The following NRG1 variants were observed in gnomAD, a reference collection of about 807,000 sequenced individuals.
The protein encoded by NRG1 is pro-neuregulin-1, membrane-bound isoform.
Under a neutral mutation model 63.8 loss-of-function variants are expected in NRG1, and 18 were observed. The ratio of observed to expected loss-of-function variants is 0.28; its 90% confidence interval spans 0.19 to 0.42. The LOEUF (loss-of-function observed/expected upper bound fraction) is 0.42, where lower values mean the gene tolerates loss of function less well. Ranked by LOEUF, NRG1 falls within the 10% of genes least tolerant of loss-of-function variation. NRG1 has a pLI of 1.00. For missense variants in NRG1, 762 were observed against 814.7 expected, an observed-to-expected ratio of 0.94 and a Z score of 0.79; for synonymous variants, 302 against 301.3, an observed-to-expected ratio of 1.00 and a Z score of -0.02.
At chr8:31,693,125 C>T (rs1375362154) in intron 1 of NRG1, among the ~76,000 whole-genome samples, 1 of 152,196 alleles carries the variant, frequency 6.6e-6, no homozygotes, top group Non-Finnish European at 1.5e-5. Flanking sequence ...ACCTCCCTCT[C>T]TGTGCTATCT....
At chr8:32,506,706 T>C (rs1448449254) in intron 1 of NRG1, among the ~76,000 whole-genome samples, 1 of 151,814 alleles carries the variant, frequency 6.6e-6, no homozygotes, top group Non-Finnish European at 1.5e-5. Flanking sequence ...TGCAGAAATC[T>C]TGGGGGGTAT....
At chr8:32,094,943 C>T (rs1310561191) in intron 1 of NRG1, among the ~76,000 whole-genome samples, 3 of 144,304 alleles carry the variant, frequency 2.1e-5, no homozygotes, top group Non-Finnish European at 3.0e-5. Context: ...GATGGGGTCT[C>T]GCTCTGTCGC....
At chr8:32,641,929 T>A (rs1389880494) in intron 5 of NRG1, among the ~76,000 whole-genome samples, 2 of 152,168 alleles carry the variant, frequency 1.3e-5, no homozygotes, top group African/African-American at 4.8e-5. Flanking sequence ...TTTGGTTTGC[T>A]CTCAGAGAAC....
chr8:32,619,569 A>C (rs1038291313), intron 5 of NRG1, among the ~76,000 whole-genome samples: 1 of 152,182 alleles, frequency 6.6e-6, no homozygotes, highest in Admixed American at 6.5e-5. Context: ...CCAGGCTGGT[A>C]GCAGTAGAGG....
At chr8:32,681,677 A>C (rs2976517) in intron 5 of NRG1, among the ~76,000 whole-genome samples, 84,799 of 151,976 alleles carry the variant, frequency 0.56, 23,961 homozygotes, top group Middle Eastern at 0.63. Flanking sequence ...ACAAAGTTTC[A>C]TAATAATTAA....
chr8:32,315,663 T>C (rs1348964999), intron 1 of NRG1, among the ~76,000 whole-genome samples: 1 of 152,214 alleles, frequency 6.6e-6, no homozygotes, highest in Non-Finnish European at 1.5e-5. Context: ...TTGAATCTGA[T>C]ACCTAACATG....
At chr8:32,118,284 A>G (rs908662334) in intron 1 of NRG1, among the ~76,000 whole-genome samples, 1 of 151,932 alleles carries the variant, frequency 6.6e-6, no homozygotes, top group Non-Finnish European at 1.5e-5. Flanking sequence ...TTGTTGCTCT[A>G]TTAGTTTCTG....
At chr8:31,839,628 G>GTGTTT (rs1826005521) in intron 1 of NRG1, among the ~76,000 whole-genome samples, 1 of 152,136 alleles carries the variant, frequency 6.6e-6, no homozygotes, top group Non-Finnish European at 1.5e-5. Context: ...ATGTTGCAAA[G>GTGTTT]TAGCCCACTG....
intron 1 of NRG1, among the ~76,000 whole-genome samples, chr8:31,730,128 G>T (rs1813874627): frequency 6.6e-6 from 1 of 152,134 alleles, no homozygotes; most frequent in Non-Finnish European, 1.5e-5. Context: ...CATTCTTGTG[G>T]TTTGATTAAT....
At chr8:31,812,934 G>A (rs1254563636) in intron 1 of NRG1, among the ~76,000 whole-genome samples, 1 of 152,120 alleles carries the variant, frequency 6.6e-6, no homozygotes. Flanking sequence ...TTTCAAGTTG[G>A]ATAGGACCAC....
At chr8:32,356,272 G>T (rs1587016317) in intron 1 of NRG1, among the ~76,000 whole-genome samples, 1 of 152,098 alleles carries the variant, frequency 6.6e-6, no homozygotes, top group South Asian at 2.1e-4. Context: ...TCCAATTCTT[G>T]GTTCAAAATA....
intron 1 of NRG1, among the ~76,000 whole-genome samples, chr8:32,116,545 G>A (rs1832735551): frequency 6.6e-6 from 1 of 152,118 alleles, no homozygotes; most frequent in Admixed American, 6.6e-5. Context: ...ACTCTATTAG[G>A]CAAGAGTAAG....
chr8:32,490,913 C>T (rs544577675), intron 1 of NRG1, among the ~76,000 whole-genome samples: 9 of 152,256 alleles, frequency 5.9e-5, no homozygotes, highest in South Asian at 2.1e-4. Context: ...GTTGTGACTT[C>T]GCCCCATCTC....
At chr8:32,212,679 C>A (rs527929496) in intron 1 of NRG1, among the ~76,000 whole-genome samples, 23 of 152,142 alleles carry the variant, frequency 1.5e-4, no homozygotes, top group African/African-American at 5.3e-4. Context: ...TCAAGAAGAA[C>A]ACAGTTTTTT....
chr8:32,575,302 G>C (rs1839408074), intron 1 of NRG1, among the ~76,000 whole-genome samples: 1 of 152,148 alleles, frequency 6.6e-6, no homozygotes, highest in Non-Finnish European at 1.5e-5. Flanking sequence ...CAATTGCCTT[G>C]TGGTTGGCCT....
intron 1 of NRG1, among the ~76,000 whole-genome samples, chr8:32,106,478 T>A (rs1420644242): frequency 6.6e-6 from 1 of 152,200 alleles, no homozygotes; most frequent in East Asian, 1.9e-4. Flanking sequence ...AATCTGATAG[T>A]CTGGCATTTC....
chr8:32,418,060 T>C (rs910383501), intron 1 of NRG1, among the ~76,000 whole-genome samples: 2 of 152,158 alleles, frequency 1.3e-5, no homozygotes, highest in East Asian at 1.9e-4. Context: ...AGGAGATCTA[T>C]GCATTGTCTT....
chr8:31,640,234 G>C lies in NRG1; in HGVS notation c.37+803G>C, dbSNP rs767228771. 1.3e-5 allele frequency: 15 copies of C among 1,156,636 alleles called. No homozygotes were observed. Among genetic ancestry groups the C allele is most frequent in the South Asian group, 8.3e-5 (2 of 24,150 alleles). The allele number at this position is 1,156,636 out of a possible 1,614,324, so 71.6% of individuals were successfully genotyped here. On this transcript the variant is annotated intron_variant, in intron 1 of 10. Coordinates refer to the NRG1 transcript ENST00000519301. This position sits in a 1 kb window ranked among gnomAD's most constrained non-coding sequence, Gnocchi z 6.3. ...AGCTCAGCGCGCCGCGGTGGTGATC[G>C]AGGGAAAGGTGCACCCGCAGCGGCG...
At chr8:32,754,884 A>C (rs1416881188) in intron 8 of NRG1, among the ~76,000 whole-genome samples, 1 of 152,288 alleles carries the variant, frequency 6.6e-6, no homozygotes. Context: ...AACTTCTATG[A>C]GTTAGAGACT....
Sources: gnomAD v4.1 joint callset for allele counts (sites outside exome capture counted in the v4.1 genomes callset) on GRCh38, gnomAD v4.1.1 for gene constraint, Gnocchi (gnomAD v3.1) non-coding constraint, MANE v1.5 for transcripts, NCBI Gene and HGNC (gene_info 2026-07-23, HGNC 2026-07-21) for gene names.